PTPRM: variants seen among roughly 807,000 people sequenced by gnomAD.
PTPRM encodes protein tyrosine phosphatase receptor type M.
A neutral mutation model predicts 186.7 loss-of-function variants in PTPRM; 47 were observed. The observed-to-expected ratio is 0.25, with a 90% confidence interval of 0.20 to 0.32. The LOEUF (loss-of-function observed/expected upper bound fraction) is 0.32. PTPRM is among the 10% of genes least tolerant of loss of function. PTPRM has a pLI of 1.00. For synonymous variants in PTPRM, 668 were observed against 674.9 expected, an observed-to-expected ratio of 0.99 and a Z score of 0.16; for missense variants, 1,494 against 1,865.0, an observed-to-expected ratio of 0.80 and a Z score of 3.66.
intron 11 of PTPRM, among the ~76,000 whole-genome samples, chr18:8,102,022 T>A (rs1402647241): frequency 6.6e-6 from 1 of 152,220 alleles, no homozygotes; most frequent in Non-Finnish European, 1.5e-5. Context: ...ACACATTTTT[T>A]GTTTCCTAGT....
At chr18:8,044,756 C>CAAAA (rs67620203) in intron 7 of PTPRM, among the ~76,000 whole-genome samples, 5 of 104,710 alleles carry the variant, frequency 4.8e-5, no homozygotes, top group African/African-American at 1.8e-4. Context: ...GACTCTGTCT[C>CAAAA]AAAAAAAAAA....
chr18:8,363,725 T>A (rs1157377831), intron 23 of PTPRM, among the ~76,000 whole-genome samples: 1 of 152,118 alleles, frequency 6.6e-6, no homozygotes, highest in African/African-American at 2.4e-5. Context: ...CTCCTGAAAG[T>A]CTGGTTGTAG....
chr18:7,949,031 A>C (rs149911662), intron 5 of PTPRM, 150 bp from the exon 6 acceptor site: 1 of 644,014 alleles, frequency 1.6e-6, no homozygotes, highest in Admixed American at 3.2e-5. Flanking sequence ...CTGCTCAGCT[A>C]TTCTCCTGGT....
Position 7,966,867 on chromosome 18 carries a change from C to G in PTPRM, c.1132+11453C>G, listed in dbSNP as rs1412446627. Among the ~76,000 whole-genome samples, 5 of 127,726 alleles carry G rather than the reference C, an allele frequency of 3.9e-5. 1 individual carries two copies. The highest frequency in any genetic ancestry group is 7.5e-5 in the Non-Finnish European group (4 of 53,358). 83.8% of individuals were successfully genotyped at this position (127,726 alleles called of 152,430 possible). A position where few individuals can be genotyped will look rare whatever the true frequency, so the allele number is the denominator to read the frequency against. ...CTGAGATCAAACCGCAAGGCGGCAG[C>G]GAGGCTGGGGGAGGGGCGCCCACCA... On this transcript the variant is annotated intron_variant, in intron 7 of 32. Transcript: ENST00000580170.
intron 1 of PTPRM, among the ~76,000 whole-genome samples, chr18:7,639,835 A>G (rs1397480723): frequency 6.6e-6 from 1 of 152,222 alleles, no homozygotes; most frequent in Non-Finnish European, 1.5e-5. Flanking sequence ...AATATTTTTT[A>G]CATTAGTTTT....
At chr18:7,830,313 A>C (rs767104888) in intron 2 of PTPRM, among the ~76,000 whole-genome samples, 37 of 152,136 alleles carry the variant, frequency 2.4e-4, no homozygotes, top group Non-Finnish European at 5.1e-4. Context: ...CAGAGGTAAG[A>C]ATGTGACTTA....
At chr18:8,302,371 C>A (rs1384670265) in intron 20 of PTPRM, among the ~76,000 whole-genome samples, 1 of 151,978 alleles carries the variant, frequency 6.6e-6, no homozygotes, top group Non-Finnish European at 1.5e-5. Flanking sequence ...GTGGCTGGAG[C>A]TGGAAGGACA....
intron 3 of PTPRM, among the ~76,000 whole-genome samples, chr18:7,900,417 G>A (rs1336961566): frequency 6.6e-6 from 1 of 152,206 alleles, no homozygotes; most frequent in South Asian, 2.1e-4. Flanking sequence ...GCCGTGGGCT[G>A]TAGTTTGCCA....
chr18:8,364,670 T>C, intron 23 of PTPRM, among the ~76,000 whole-genome samples: 1 of 152,162 alleles, frequency 6.6e-6, no homozygotes, highest in East Asian at 1.9e-4. Flanking sequence ...TTAATAGAAG[T>C]ATGGATACTC....
chr18:8,219,809 A>ATGTG (rs371465996), intron 14 of PTPRM, among the ~76,000 whole-genome samples: 163 of 152,334 alleles, frequency 1.1e-3, no homozygotes, highest in African/African-American at 3.8e-3. Context: ...AGTCAGCCAC[A>ATGTG]ATATGACCTG....
chr18:7,776,041 A>G (rs1467474776), intron 2 of PTPRM, among the ~76,000 whole-genome samples: 1 of 152,244 alleles, frequency 6.6e-6, no homozygotes, highest in Non-Finnish European at 1.5e-5. Flanking sequence ...CCAGTTAGGT[A>G]ATTGAAAGAA....
intron 2 of PTPRM, among the ~76,000 whole-genome samples, chr18:7,854,908 A>G (rs2047023923): frequency 6.6e-6 from 1 of 152,124 alleles, no homozygotes; most frequent in African/African-American, 2.4e-5. Flanking sequence ...TTTCCAAGCA[A>G]ATAATTATAA....
At chr18:8,341,738 A>G (rs2095476232) in intron 22 of PTPRM, among the ~76,000 whole-genome samples, 1 of 150,426 alleles carries the variant, frequency 6.6e-6, no homozygotes, top group African/African-American at 2.4e-5. Flanking sequence ...AGAAGGACTC[A>G]CTGCTTCTTT....
intron 3 of PTPRM, 34 bp from the exon 4 acceptor site, chr18:7,906,471 G>T: frequency 3.3e-6 from 5 of 1,521,188 alleles, no homozygotes; most frequent in South Asian, 2.2e-5. Flanking sequence ...AAGACAAAAT[G>T]AATAAATAAT....
intron 7 of PTPRM, among the ~76,000 whole-genome samples, chr18:7,963,804 C>A (rs6506541): frequency 0.04 from 6,078 of 152,246 alleles, 396 homozygotes; most frequent in African/African-American, 0.14. Flanking sequence ...TCATCAGTCG[C>A]TGTCAGAGGG....
In PTPRM at chr18:8,168,031, A is replaced by G. The variant is rs973066229; in HGVS notation, c.2300+24252A>G. Reference sequence around the variant, plus strand: ...CCCAGTGGTATTTCTCATTAGCATTATCTTCTGTTAAGCAGGAAATGGTCT... The same window carrying G: ...CCCAGTGGTATTTCTCATTAGCATTGTCTTCTGTTAAGCAGGAAATGGTCT... On this transcript the variant is annotated intron_variant, in intron 14 of 32. Transcript: ENST00000580170. Among the ~76,000 whole-genome samples the G allele has an allele frequency of 3.3e-5, 5 of 152,166 alleles. No individual in the cohort carries two copies. In the South Asian group the frequency reaches 1.0e-3, roughly 32 times the overall value.
chr18:7,928,046 A>G (rs2051274907), intron 5 of PTPRM, among the ~76,000 whole-genome samples: 1 of 152,180 alleles, frequency 6.6e-6, no homozygotes, highest in Non-Finnish European at 1.5e-5. Context: ...CCAGCCCAGT[A>G]GTATTTTTAT....
intron 13 of PTPRM, among the ~76,000 whole-genome samples, chr18:8,117,016 T>A (rs534029712): frequency 6.6e-6 from 1 of 152,186 alleles, no homozygotes; most frequent in Non-Finnish European, 1.5e-5. Flanking sequence ...ATATTCTCCC[T>A]CCAGGCAAAA....
At chr18:7,928,378 A>AT (rs976952810) in intron 5 of PTPRM, among the ~76,000 whole-genome samples, 1 of 151,988 alleles carries the variant, frequency 6.6e-6, no homozygotes, top group Non-Finnish European at 1.5e-5. Context: ...CCGTATTCAA[A>AT]TTTTTTTTCT....
Sources: gnomAD v4.1 joint callset for allele counts (sites outside exome capture counted in the v4.1 genomes callset) on GRCh38, gnomAD v4.1.1 for gene constraint, MANE v1.5 for transcripts, NCBI Gene and HGNC (gene_info 2026-07-23, HGNC 2026-07-21) for gene names.